Variants in TP63 observed in about 807,000 individuals in gnomAD.
The protein encoded by TP63 is tumor protein p63, also known as tumor protein 63.
TP63 carries 17 observed loss-of-function variants against 82.8 expected under a neutral mutation model. The ratio of observed to expected loss-of-function variants is 0.21; its 90% CI spans 0.14 to 0.31. The LOEUF (loss-of-function observed/expected upper bound fraction) is 0.31. Ranked by LOEUF, TP63 falls within the 10% of genes least tolerant of loss-of-function variation. The pLI, the probability that TP63 is intolerant of heterozygous loss-of-function variation, is 1.00. For missense variants in TP63, 648 were observed against 895.3 expected (o/e 0.72, Z 3.52); for synonymous variants, 330 against 321.7 (o/e 1.03, Z -0.28).
At chr3:189,651,911 T>C (rs544253927) in intron 1 of TP63, among the ~76,000 whole-genome samples, 1 of 147,074 alleles carries the variant, frequency 6.8e-6, no homozygotes, top group Non-Finnish European at 1.5e-5. Context: ...AGCTTCCACA[T>C]GTTGTTGGTC....
chr3:189,767,286 G>T (rs919736856), intron 3 of TP63, among the ~76,000 whole-genome samples: 2 of 149,620 alleles, frequency 1.3e-5, no homozygotes, highest in Admixed American at 1.3e-4. Flanking sequence ...CTACATGAAA[G>T]AAAAAAAAAC....
chr3:189,654,932 G>A (rs1001264622), intron 1 of TP63, among the ~76,000 whole-genome samples: 6 of 152,134 alleles, frequency 3.9e-5, no homozygotes, highest in Admixed American at 2.0e-4. Context: ...TTTAGGTTTT[G>A]CATTCCACTG....
the TP63 span, among the ~76,000 whole-genome samples, chr3:189,598,185 A>G: frequency 6.6e-6 from 1 of 152,082 alleles, no homozygotes; most frequent in Non-Finnish European, 1.5e-5. Context: ...ATTTTAAGAA[A>G]CATACGAAAC....
At chr3:189,872,621 G>A (rs952069920) in intron 9 of TP63, among the ~76,000 whole-genome samples, 3 of 152,248 alleles carry the variant, frequency 2.0e-5, no homozygotes, top group African/African-American at 7.2e-5. Context: ...CAAGATGACA[G>A]AGCATCTCCT....
chr3:189,746,676 G>A (rs137954302), intron 3 of TP63, among the ~76,000 whole-genome samples: 55 of 151,408 alleles, frequency 3.6e-4, no homozygotes, highest in African/African-American at 1.3e-3. Context: ...AAAATGGCAG[G>A]TGTAAGTCCT....
At chr3:189,742,887 GA>G (rs1487211581) in intron 3 of TP63, among the ~76,000 whole-genome samples, 2 of 152,156 alleles carry the variant, frequency 1.3e-5, no homozygotes, top group Non-Finnish European at 2.9e-5. Context: ...ACATTGCAGA[GA>G]AGGTAATTTT....
At chr3:189,700,113 G>T (rs1717688491) in intron 1 of TP63, among the ~76,000 whole-genome samples, 1 of 152,082 alleles carries the variant, frequency 6.6e-6, no homozygotes, top group African/African-American at 2.4e-5. Flanking sequence ...AGTGAGCTTT[G>T]ATAAAAGGTG....
At chr3:189,628,845 G>T (rs1729374528), upstream of TP63, among the ~76,000 whole-genome samples, 1 of 152,070 alleles carries the variant, frequency 6.6e-6, no homozygotes, top group South Asian at 2.1e-4. Flanking sequence ...GCATGCTACT[G>T]GTGTTCTGTT....
chr3:189,659,354 A>G (rs753820535), intron 1 of TP63, among the ~76,000 whole-genome samples: 1 of 152,030 alleles, frequency 6.6e-6, no homozygotes, highest in African/African-American at 2.4e-5. Context: ...AATGGCCTCC[A>G]GCTGCATCTG....
chr3:189,728,614 G>A (rs1719938650), intron 1 of TP63, among the ~76,000 whole-genome samples: 1 of 152,202 alleles, frequency 6.6e-6, no homozygotes, highest in Non-Finnish European at 1.5e-5. Flanking sequence ...AGAGATACCT[G>A]AGACTGGGTA....
At chr3:189,624,849 AT>A in the TP63 span, among the ~76,000 whole-genome samples, 1 of 152,146 alleles carries the variant, frequency 6.6e-6, no homozygotes, top group Non-Finnish European at 1.5e-5. Context: ...ACCAACACAC[AT>A]GGGCAGGAGG....
At chr3:189,855,105 A>G (rs1031244573) in intron 4 of TP63, among the ~76,000 whole-genome samples, 30 of 152,210 alleles carry the variant, frequency 2.0e-4, no homozygotes, top group Non-Finnish European at 3.2e-4. Flanking sequence ...AAAACTGCAT[A>G]AAATATATGG....
chr3:189,660,284 G>A (rs1426569509), intron 1 of TP63, among the ~76,000 whole-genome samples: 2 of 152,014 alleles, frequency 1.3e-5, no homozygotes, highest in East Asian at 1.9e-4. Flanking sequence ...AGCTATCCCA[G>A]CACCATTGAT....
At chr3:189,608,171 G>A in the TP63 span, among the ~76,000 whole-genome samples, 1 of 152,184 alleles carries the variant, frequency 6.6e-6, no homozygotes, top group South Asian at 2.1e-4. Context: ...TACTGTGTGT[G>A]CATGTATGTG....
At chr3:189,749,335 A>G (rs1721620897) in intron 3 of TP63, among the ~76,000 whole-genome samples, 1 of 152,238 alleles carries the variant, frequency 6.6e-6, no homozygotes, top group South Asian at 2.1e-4. Context: ...TCAAGTCAAC[A>G]GTAAAAAAAT....
chr3:189,620,603 T>G, the TP63 span, among the ~76,000 whole-genome samples: 1 of 151,902 alleles, frequency 6.6e-6, no homozygotes, highest in Admixed American at 6.5e-5. Context: ...TTGAAAGCCA[T>G]TTCAAGGAAG....
chr3:189,656,444 G>T lies in TP63; in HGVS notation c.62+24867G>T, dbSNP rs1920245. ...AGGCATAAGGGTATGTATGGGAGATGGGGAACAAAGAACATAAGCAATGAA... is the reference window on the plus strand; with the variant it reads ...AGGCATAAGGGTATGTATGGGAGATTGGGAACAAAGAACATAAGCAATGAA... On this transcript the variant is annotated intron_variant, in intron 1 of 13. Coordinates refer to ENST00000264731, the MANE Select transcript of TP63 (RefSeq NM_003722.5). Among the ~76,000 whole-genome samples the T allele has an allele frequency of 0.44, 66,811 of 151,870 alleles. 16,079 individuals are homozygous for T. The highest frequency in any genetic ancestry group is 0.69 in the Middle Eastern group (200 of 290).
chr3:189,616,133 T>G, the TP63 span, among the ~76,000 whole-genome samples: 381 of 152,366 alleles, frequency 2.5e-3, no homozygotes, highest in African/African-American at 8.6e-3. Context: ...TAATCAGTTA[T>G]AAACACATTT....
intron 1 of TP63, among the ~76,000 whole-genome samples, chr3:189,639,705 G>A (rs569706125): frequency 4.1e-4 from 63 of 152,210 alleles, no homozygotes; most frequent in African/African-American, 1.5e-3. Context: ...GACTGAGAAA[G>A]CATTTTGAGT....
Sources: allele counts gnomAD v4.1 joint callset (sites outside exome capture counted in the v4.1 genomes callset), GRCh38; gene constraint gnomAD v4.1.1; transcripts MANE v1.5; gene names NCBI Gene and HGNC (gene_info 2026-07-23, HGNC 2026-07-21).